ANXA4: variants seen among roughly 807,000 people sequenced by gnomAD.
ANXA4 encodes 35-beta calcimedin.
ANXA4 carries 39 observed loss-of-function variants against 49.8 expected under a neutral mutation model. The observed-to-expected ratio is 0.78, with a 90% CI of 0.61 to 1.02. The LOEUF (loss-of-function observed/expected upper bound fraction) is 1.02. Ranked by LOEUF, ANXA4 falls within the 50% of genes least tolerant of loss-of-function variation. The pLI is 0.00. For missense variants in ANXA4, 360 were observed against 410.1 expected (o/e 0.88, Z 1.05); for synonymous variants, 134 against 152.5 (o/e 0.88, Z 0.89).
Position 69,781,540 on chromosome 2 carries a change from C to T in ANXA4, c.-26C>T, listed in dbSNP as rs760892250. ...CACAGAAGAACTTCTGCTTGGGTGG[C>T]TGAACTCTGATCTTGACCTAGAGTC... On this transcript the variant is annotated 5_prime_UTR_variant, in exon 2 of 13. Transcript: ENST00000394295. The T allele has an allele frequency of 2.7e-5, 44 of 1,613,782 alleles. No homozygotes were observed. The highest frequency in any genetic ancestry group is 3.6e-5 in the Non-Finnish European group (43 of 1,179,956).
At chr2:69,779,727 C>T (rs1336585986) in intron 1 of ANXA4, among the ~76,000 whole-genome samples, 1 of 152,238 alleles carries the variant, frequency 6.6e-6, no homozygotes, top group African/African-American at 2.4e-5. Flanking sequence ...TGTAGCCAGA[C>T]TCCTCAGCCG....
intron 2 of ANXA4, among the ~76,000 whole-genome samples, chr2:69,664,911 C>T (rs550748674): frequency 6.6e-4 from 101 of 152,034 alleles, no homozygotes; most frequent in African/African-American, 2.2e-3. Context: ...GAGACCAGCC[C>T]GGCCAACACG....
chr2:69,805,955 A>G (rs1315083642), intron 4 of ANXA4, among the ~76,000 whole-genome samples: 2 of 152,252 alleles, frequency 1.3e-5, no homozygotes, highest in African/African-American at 2.4e-5. Flanking sequence ...CCCAAAACGA[A>G]AAAACATTTA....
At chr2:69,747,627 A>C (rs1323076275) in intron 1 of ANXA4, among the ~76,000 whole-genome samples, 1 of 152,220 alleles carries the variant, frequency 6.6e-6, no homozygotes, top group Non-Finnish European at 1.5e-5. Context: ...TTCTAAACTC[A>C]GTCATGGATA....
rs75936196 is a variant in ANXA4, at chr2:69,708,112, G to A, written n.767-12662G>A. 3.4e-3 allele frequency among the ~76,000 whole-genome samples: 516 copies of A among 152,260 alleles called. 10 individuals are homozygous for A. The East Asian group carries it at 0.06, about 18-fold the overall frequency. ...GAGGTGCTAGTGCTTAAGCACAAAC[G>A]GGAGACATGATTATTTTGCTTTAAA... On this transcript the variant is annotated intron_variant and non_coding_transcript_variant, in intron 2 of 3. Coordinates refer to the ANXA4 transcript ENST00000418066.
chr2:69,646,247 T>C (rs1676006283), intron 1 of ANXA4, among the ~76,000 whole-genome samples: 1 of 152,256 alleles, frequency 6.6e-6, no homozygotes, highest in African/African-American at 2.4e-5. Context: ...TCAGCCACTA[T>C]AATCTCAAAA....
chr2:69,805,097 G>A (rs900925235), intron 4 of ANXA4, among the ~76,000 whole-genome samples: 7 of 140,696 alleles, frequency 5.0e-5, no homozygotes, highest in East Asian at 2.1e-4. Context: ...CTCCTTCTTC[G>A]TCAATTGATC....
At position 69,820,815 on chromosome 2, in the gene ANXA4, C is replaced by T. The variant is rs762312500; in HGVS notation, c.900C>T (p.Phe300=). Reference sequence around the variant, plus strand: ...TCTATGGAAAGTCTCTGTACTCGTTCATCAAGGTAGGTCACAGCAGCCTAA... The same window carrying T: ...TCTATGGAAAGTCTCTGTACTCGTTTATCAAGGTAGGTCACAGCAGCCTAA... ...KRLYGKSLYS[F]IKGDTSGDYR... Residue 300 remains phenylalanine (F), a synonymous_variant, in exon 12 of 13, where the codon TTC becomes TTT. Transcript: ENST00000394295. 1 of 1,613,864 alleles carries T rather than the reference C, an allele frequency of 6.2e-7. No individual in the cohort carries two copies. Among genetic ancestry groups the T allele is most frequent in the East Asian group, 2.2e-5 (1 of 44,868 alleles).
At position 69,788,123 on chromosome 2, in the gene ANXA4, A is replaced by G; in HGVS notation, c.79A>G (p.Lys27Glu). The G allele has an allele frequency of 6.2e-7, 1 of 1,614,000 alleles. No homozygotes were observed. Among genetic ancestry groups the G allele is most frequent in the Non-Finnish European group, 8.5e-7 (1 of 1,179,882 alleles). Residue 27 changes from lysine to glutamate, a missense_variant, in exon 3 of 13, where the codon AAG (lysine) becomes GAG (glutamate). Coordinates refer to ENST00000394295, the MANE Select transcript of ANXA4 (RefSeq NM_001153.5). ...CATGGAAGATGCCCAGACCCTGAGG[A>G]AGGCCATGAAAGGGCTCGGTATGTG... ...NAMEDAQTLR[K>E]AMKGLGTDED... is the part of the protein sequence containing the mutation.
chr2:69,702,484 G>A (rs1678361461), intron 2 of ANXA4, among the ~76,000 whole-genome samples: 1 of 152,244 alleles, frequency 6.6e-6, no homozygotes, highest in South Asian at 2.1e-4. Flanking sequence ...GCACTTGGGA[G>A]GCGGAGGTGG....
intron 3 of ANXA4, among the ~76,000 whole-genome samples, chr2:69,730,110 C>A (rs771588472): frequency 6.6e-6 from 1 of 151,798 alleles, no homozygotes; most frequent in South Asian, 2.1e-4. Flanking sequence ...GAGGCCAAGG[C>A]GGGAGGATCG....
intron 3 of ANXA4, among the ~76,000 whole-genome samples, chr2:69,736,663 T>A (rs1342319661): frequency 1.3e-5 from 2 of 152,248 alleles, no homozygotes. Flanking sequence ...TGAAAACTTC[T>A]TAAGAAAAGG....
chr2:69,797,830 G>C (rs1437738145), intron 3 of ANXA4, among the ~76,000 whole-genome samples: 1 of 152,238 alleles, frequency 6.6e-6, no homozygotes, highest in Non-Finnish European at 1.5e-5. Flanking sequence ...GTCTCTATTA[G>C]AGGGATGTAA....
intron 2 of ANXA4, among the ~76,000 whole-genome samples, chr2:69,669,355 A>T (rs1401914202): frequency 6.6e-6 from 1 of 151,126 alleles, no homozygotes; most frequent in Non-Finnish European, 1.5e-5. Flanking sequence ...CACGCCTGCA[A>T]TCCCAACACT....
chr2:69,711,494 A>G (rs1209736179), intron 2 of ANXA4, among the ~76,000 whole-genome samples: 2 of 152,250 alleles, frequency 1.3e-5, no homozygotes, highest in African/African-American at 2.4e-5. Flanking sequence ...TAGAAAAGGC[A>G]AAACTATAGT....
At chr2:69,719,311 A>G (rs1230568369) in intron 2 of ANXA4, among the ~76,000 whole-genome samples, 1 of 121,826 alleles carries the variant, frequency 8.2e-6, no homozygotes, top group Non-Finnish European at 1.6e-5. Flanking sequence ...CTCTGCACCC[A>G]GGCTGGAGTA....
chr2:69,675,534 T>C (rs1322735406), intron 2 of ANXA4, among the ~76,000 whole-genome samples: 1 of 152,232 alleles, frequency 6.6e-6, no homozygotes, highest in Non-Finnish European at 1.5e-5. Context: ...ACTGTCAGGC[T>C]TCTCAACTAA....
intron 9 of ANXA4, chr2:69,817,076 C>T (rs6743808): frequency 2.0e-5 from 3 of 152,152 alleles, no homozygotes; most frequent in Non-Finnish European, 4.4e-5. Flanking sequence ...ACTTCTGACT[C>T]AGCTTCTTTC....
At chr2:69,703,080 G>A (rs1188176389) in intron 2 of ANXA4, among the ~76,000 whole-genome samples, 2 of 152,142 alleles carry the variant, frequency 1.3e-5, no homozygotes, top group African/African-American at 4.8e-5. Flanking sequence ...AGAGCCAAGA[G>A]AGTTAATTTC....
Sources: gnomAD v4.1 joint callset for allele counts (sites outside exome capture counted in the v4.1 genomes callset) on GRCh38, gnomAD v4.1.1 for gene constraint, MANE v1.5 for transcripts, NCBI Gene and HGNC (gene_info 2026-07-23, HGNC 2026-07-21) for gene names.